Variants in CADPS observed in about 807,000 individuals in gnomAD.
The protein encoded by CADPS is calcium dependent secretion activator, also known as calcium-dependent secretion activator 1.
In CADPS, 57 loss-of-function variants were observed where a neutral mutation model predicts 167.3. That is an observed-to-expected ratio of 0.34 (90% CI 0.28 to 0.42). CADPS has a LOEUF of 0.42. Among genes scored for constraint, CADPS ranks in the 20% least tolerant of loss-of-function variants. The pLI is 1.00. For missense variants in CADPS, 1,414 were observed against 1,738.1 expected (o/e 0.81, Z 3.32); for synonymous variants, 676 against 635.3 (o/e 1.06, Z -0.96).
rs554671792 is a variant in CADPS, at chr3:62,855,124, A to G, written c.441+19465T>C. Reference sequence around the variant, plus strand: ...TTTTTTTTTTTGTCTTTTAGTAGAGATGGGGTTTCACCATTTCACCATGTT... The same window carrying G: ...TTTTTTTTTTTGTCTTTTAGTAGAGGTGGGGTTTCACCATTTCACCATGTT... On this transcript the variant is annotated intron_variant, in intron 1 of 29. Transcript: ENST00000383710. Among the ~76,000 whole-genome samples, 98 of 47,318 alleles carry G rather than the reference A, an allele frequency of 2.1e-3. 1 individual carries two copies. The highest frequency in any genetic ancestry group is 0.019 in the Middle Eastern group (1 of 52). The allele number at this position is 47,318 out of a possible 152,430, so 31.0% of individuals were successfully genotyped here.
chr3:62,476,048 T>C (rs911133482), intron 23 of CADPS, among the ~76,000 whole-genome samples: 1 of 152,112 alleles, frequency 6.6e-6, no homozygotes, highest in African/African-American at 2.4e-5. Context: ...ACTGACTCCT[T>C]GAGGGCAAAA....
intron 7 of CADPS, among the ~76,000 whole-genome samples, chr3:62,589,914 G>A (rs573100629): frequency 6.6e-6 from 1 of 152,152 alleles, no homozygotes; most frequent in Admixed American, 6.5e-5. Context: ...TCCAGGCTGG[G>A]TGCAGTAGCT....
intron 1 of CADPS, among the ~76,000 whole-genome samples, chr3:62,846,599 GT>G (rs1054140460): frequency 6.6e-6 from 1 of 152,068 alleles, no homozygotes. Context: ...AAATATGTTG[GT>G]TTTCTGTCAT....
At chr3:62,466,794 G>A in intron 24 of CADPS, 1 of 242,248 alleles carries the variant, frequency 4.1e-6, no homozygotes, top group Non-Finnish European at 8.2e-6. Context: ...GAAAACTGCT[G>A]GGGGTTGTGG....
chr3:62,721,110 C>T (rs2075708800), intron 3 of CADPS, among the ~76,000 whole-genome samples: 1 of 108,718 alleles, frequency 9.2e-6, no homozygotes, highest in Admixed American at 8.5e-5. Context: ...AGCCACCGTG[C>T]CCGGCAGGTT....
intron 3 of CADPS, among the ~76,000 whole-genome samples, chr3:62,692,687 T>TATACCTGCCA (rs2079399036): frequency 6.6e-6 from 1 of 152,076 alleles, no homozygotes; most frequent in South Asian, 2.1e-4. Context: ...CCTGCCAAGA[T>TATACCTGCCA]GGTAACAATA....
chr3:62,794,322 C>T (rs936186059), intron 1 of CADPS, among the ~76,000 whole-genome samples: 1 of 152,158 alleles, frequency 6.6e-6, no homozygotes, highest in African/African-American at 2.4e-5. Context: ...TTTACATCAG[C>T]ATGTATGAAC....
chr3:62,503,396 G>A (rs557414514), intron 17 of CADPS, among the ~76,000 whole-genome samples: 1 of 152,290 alleles, frequency 6.6e-6, no homozygotes, highest in African/African-American at 2.4e-5. Flanking sequence ...CTGCTGATAA[G>A]AGCAAAGAAA....
chr3:62,605,196 C>T (rs2060526043), intron 6 of CADPS, among the ~76,000 whole-genome samples: 1 of 152,072 alleles, frequency 6.6e-6, no homozygotes, highest in African/African-American at 2.4e-5. Context: ...CATTGCACAC[C>T]CCTTTGCATT....
At chr3:62,718,615 G>C (rs2075141206) in intron 3 of CADPS, among the ~76,000 whole-genome samples, 1 of 152,164 alleles carries the variant, frequency 6.6e-6, no homozygotes, top group Non-Finnish European at 1.5e-5. Context: ...ATGAGACTGG[G>C]GTGGGCTCAG....
In CADPS at chr3:62,458,279, G is replaced by A. The variant is rs1267054756; in HGVS notation, c.3636+7088C>T. On this transcript the variant is annotated intron_variant, in intron 26 of 29. Transcript: ENST00000383710. The surrounding 1 kb of genome is among the most constrained non-coding windows in gnomAD (Gnocchi z 4.6). The stretch of plus-strand genomic sequence containing the variant: ...CTATCAGCATTCCCACTGTATAGAT[G>A]AAGAAACCAAGGCTCAGAAACGGTC... Among the ~76,000 whole-genome samples the A allele has an allele frequency of 6.6e-6, 1 of 152,106 alleles. No individual in the cohort carries two copies. The highest frequency in any genetic ancestry group is 1.5e-5 in the Non-Finnish European group (1 of 68,028).
chr3:62,519,573 T>C (rs2069913219), intron 13 of CADPS, among the ~76,000 whole-genome samples: 1 of 152,124 alleles, frequency 6.6e-6, no homozygotes, highest in Non-Finnish European at 1.5e-5. Context: ...AACAGGTAGG[T>C]TGCCTTCAAA....
intron 1 of CADPS, among the ~76,000 whole-genome samples, chr3:62,805,236 T>C (rs1017898825): frequency 2.6e-5 from 4 of 152,210 alleles, no homozygotes; most frequent in African/African-American, 9.6e-5. Flanking sequence ...CTCACTGTTA[T>C]TGAGAATTCA....
intron 16 of CADPS, chr3:62,513,569 T>C (rs1310253942): frequency 3.9e-5 from 42 of 1,065,542 alleles, no homozygotes; most frequent in Non-Finnish European, 5.3e-5. Context: ...GGTTTGGATC[T>C]GGATTTTCTT....
At chr3:62,770,356 T>C (rs947065873) in intron 1 of CADPS, among the ~76,000 whole-genome samples, 2 of 152,196 alleles carry the variant, frequency 1.3e-5, no homozygotes, top group Admixed American at 6.5e-5. Flanking sequence ...TAAGGTAAAA[T>C]TATTTAATTA....
intron 29 of CADPS, among the ~76,000 whole-genome samples, chr3:62,400,049 C>T (rs998989687): frequency 3.3e-5 from 5 of 152,306 alleles, no homozygotes; most frequent in African/African-American, 2.4e-5. Context: ...ATAAGCTGTA[C>T]TGATATCCCT....
chr3:62,583,792 T>C (rs1392220996), intron 8 of CADPS, among the ~76,000 whole-genome samples: 1 of 151,714 alleles, frequency 6.6e-6, no homozygotes, highest in Non-Finnish European at 1.5e-5. Flanking sequence ...TTTTGCTTCC[T>C]AGAACTCTGA....
chr3:62,420,861 AACACACACAC>A lies in CADPS; in HGVS notation c.3777+17233_3777+17242del, dbSNP rs775850925. Among the ~76,000 whole-genome samples the A allele has an allele frequency of 0.015, 2,029 of 133,924 alleles. 21 individuals are homozygous for A. The highest frequency in any genetic ancestry group is 0.036 in the Admixed American group (485 of 13,534). 87.9% of individuals were successfully genotyped at this position (133,924 alleles called of 152,430 possible). On this transcript the variant is annotated intron_variant, in intron 28 of 29. Coordinates refer to ENST00000383710, the MANE Select transcript of CADPS (RefSeq NM_003716.4). This position sits in a 1 kb window ranked among gnomAD's most constrained non-coding sequence, Gnocchi z 4.1. Reference sequence around the variant, plus strand: ...TTTTCTCTTTATGGGAGGGAGAACGAACACACACACACACACACACACACACACACACACA... The same window carrying A: ...TTTTCTCTTTATGGGAGGGAGAACGAACACACACACACACACACACACACA...
At chr3:62,507,335 T>C (rs79145345) in intron 17 of CADPS, among the ~76,000 whole-genome samples, 3,278 of 152,194 alleles carry the variant, frequency 0.022, 60 homozygotes, top group Middle Eastern at 0.058. Context: ...TCCCTTGTGC[T>C]GCACTCCTGT....
Sources: gnomAD v4.1 joint callset for allele counts (sites outside exome capture counted in the v4.1 genomes callset) on GRCh38, gnomAD v4.1.1 for gene constraint, Gnocchi (gnomAD v3.1) non-coding constraint, MANE v1.5 for transcripts, NCBI Gene and HGNC (gene_info 2026-07-23, HGNC 2026-07-21) for gene names.